CD1B: variants seen among roughly 807,000 people sequenced by gnomAD.
CD1B encodes the protein T-cell surface glycoprotein CD1b.
Under a neutral mutation model 39.8 loss-of-function variants are expected in CD1B, and 43 were observed. The ratio of observed to expected loss-of-function variants is 1.08; its 90% CI spans 0.85 to 1.39. The LOEUF is 1.39. Among genes scored for constraint, CD1B ranks in the 40% most tolerant of loss-of-function variants. CD1B has a pLI of 0.00. For missense variants in CD1B, 495 were observed against 403.8 expected (o/e 1.23, Z -1.94); for synonymous variants, 192 against 152.5 (o/e 1.26, Z -1.91).
chr1:158,317,741 T>C, the CD1B span, among the ~76,000 whole-genome samples: 1 of 152,234 alleles, frequency 6.6e-6, no homozygotes, highest in South Asian at 2.1e-4. Flanking sequence ...TCTAGTTCTT[T>C]TAACTGTGAT....
downstream of CD1B, among the ~76,000 whole-genome samples, chr1:158,325,944 C>T (rs1478637606): frequency 2.0e-5 from 3 of 152,214 alleles, no homozygotes; most frequent in East Asian, 5.8e-4. Flanking sequence ...AAACCTGAAT[C>T]TGAGCACATC....
chr1:158,306,918 C>T, the CD1B span, among the ~76,000 whole-genome samples: 2 of 152,088 alleles, frequency 1.3e-5, no homozygotes, highest in African/African-American at 2.4e-5. Flanking sequence ...ATCTCTGGGA[C>T]ACATTCAAGG....
chr1:158,329,068 T>G (rs1368169970), intron 4 of CD1B, 54 bp from the exon 5 acceptor site: 1 of 1,418,614 alleles, frequency 7.0e-7, no homozygotes, highest in Middle Eastern at 1.8e-4. Context: ...TACACAGAAT[T>G]CCTTGGCCTT....
chr1:158,326,786 A>AATTATTATTATT (rs374291885), downstream of CD1B, among the ~76,000 whole-genome samples: 784 of 149,636 alleles, frequency 5.2e-3, 4 homozygotes, highest in African/African-American at 0.018. Flanking sequence ...GCACATATAA[A>AATTATTATTATT]ATTATTATTA....
the CD1B span, among the ~76,000 whole-genome samples, chr1:158,288,710 T>A: frequency 6.6e-6 from 1 of 152,218 alleles, no homozygotes; most frequent in Non-Finnish European, 1.5e-5. Flanking sequence ...ATGCCCAGAT[T>A]TTAAGTGACT....
chr1:158,291,109 C>G, the CD1B span: 1 of 1,584,880 alleles, frequency 6.3e-7, no homozygotes, highest in African/African-American at 1.4e-5. Flanking sequence ...TTTCCTTACA[C>G]TACTTGCCCT....
chr1:158,287,579 A>T, the CD1B span, among the ~76,000 whole-genome samples: 1 of 152,184 alleles, frequency 6.6e-6, no homozygotes, highest in African/African-American at 2.4e-5. Flanking sequence ...TATGAGCAAG[A>T]TCACTTGGAT....
the CD1B span, among the ~76,000 whole-genome samples, chr1:158,304,093 G>A: frequency 1.3e-5 from 2 of 152,082 alleles, no homozygotes; most frequent in Non-Finnish European, 2.9e-5. Flanking sequence ...GAAAGTGGGT[G>A]CAGGACAGTG....
At chr1:158,286,237 C>T in the CD1B span, among the ~76,000 whole-genome samples, 1 of 152,128 alleles carries the variant, frequency 6.6e-6, no homozygotes, top group Non-Finnish European at 1.5e-5. Flanking sequence ...GTGTCCTACC[C>T]ACTTCAGATT....
At chr1:158,330,454 T>C (rs1425663688) in intron 2 of CD1B, 3 of 551,004 alleles carry the variant, frequency 5.4e-6, no homozygotes, top group African/African-American at 3.8e-5. Flanking sequence ...GAGGAGATGA[T>C]TGAAAAGATG....
chr1:158,302,056 C>G, the CD1B span, among the ~76,000 whole-genome samples: 2 of 151,976 alleles, frequency 1.3e-5, no homozygotes, highest in Non-Finnish European at 2.9e-5. Context: ...TCGCAATTTT[C>G]AACACATTCA....
intron 5 of CD1B, among the ~76,000 whole-genome samples, chr1:158,328,550 T>G (rs1470362130): frequency 6.6e-6 from 1 of 152,144 alleles, no homozygotes; most frequent in Non-Finnish European, 1.5e-5. Flanking sequence ...GTAGAATTCA[T>G]AGAGACAGAA....
At chr1:158,292,229 G>T in the CD1B span, 5 of 1,614,106 alleles carry the variant, frequency 3.1e-6, no homozygotes, top group South Asian at 2.2e-5. Flanking sequence ...GTGGAAGTTT[G>T]GCCCAAAGTG....
chr1:158,290,512 T>C, the CD1B span, among the ~76,000 whole-genome samples: 7 of 152,116 alleles, frequency 4.6e-5, no homozygotes, highest in Admixed American at 2.0e-4. Context: ...GGGAAGTAGA[T>C]AAGATGGAGC....
chr1:158,331,320 A>C, intron 1 of CD1B, 43 bp downstream of exon 1: 1 of 1,579,916 alleles, frequency 6.3e-7, no homozygotes, highest in Non-Finnish European at 8.7e-7. Flanking sequence ...TTTAAAATCC[A>C]AACCCCTGCA....
chr1:158,308,297 G>A, the CD1B span, among the ~76,000 whole-genome samples: 6 of 152,124 alleles, frequency 3.9e-5, no homozygotes, highest in Non-Finnish European at 8.8e-5. Context: ...CCTCTTCAAG[G>A]AGAACTACAA....
the CD1B span, among the ~76,000 whole-genome samples, chr1:158,315,791 C>G: frequency 0.015 from 2,278 of 151,506 alleles, 76 homozygotes; most frequent in African/African-American, 0.049. Context: ...ATGGTTTTAG[C>G]TCTAACGTTT....
At chr1:158,316,046 T>C in the CD1B span, among the ~76,000 whole-genome samples, 2 of 152,034 alleles carry the variant, frequency 1.3e-5, no homozygotes. Flanking sequence ...TACCATGCTG[T>C]TTTGGTTACT....
At chr1:158,321,130 T>C in the CD1B span, among the ~76,000 whole-genome samples, 1 of 152,246 alleles carries the variant, frequency 6.6e-6, no homozygotes, top group Non-Finnish European at 1.5e-5. Flanking sequence ...TGTTGTATTG[T>C]ACGCTATATC....
Sources: gnomAD v4.1 joint callset for allele counts (sites outside exome capture counted in the v4.1 genomes callset) on GRCh38, gnomAD v4.1.1 for gene constraint, MANE v1.5 for transcripts, NCBI Gene and HGNC (gene_info 2026-07-23, HGNC 2026-07-21) for gene names.